GRM7: variants seen among roughly 807,000 people sequenced by gnomAD.
The protein encoded by GRM7 is glutamate metabotropic receptor 7, also known as metabotropic glutamate receptor 7.
GRM7 carries 35 observed loss-of-function variants against 84.5 expected under a neutral mutation model. That is an observed-to-expected ratio of 0.41 (90% CI 0.32 to 0.55). The LOEUF (loss-of-function observed/expected upper bound fraction) is 0.55, where lower values mean the gene tolerates loss of function less well. Ranked by LOEUF, GRM7 falls within the 20% of genes least tolerant of loss-of-function variation. The pLI is 0.19. For missense variants in GRM7, 1,003 were observed against 1,194.6 expected, an observed-to-expected ratio of 0.84 and a Z score of 2.36; for synonymous variants, 487 against 455.1, an observed-to-expected ratio of 1.07 and a Z score of -0.89.
intron 1 of GRM7, among the ~76,000 whole-genome samples, chr3:6,898,150 G>C (rs1361620830): frequency 6.6e-6 from 1 of 152,130 alleles, no homozygotes; most frequent in African/African-American, 2.4e-5. Context: ...GAATTCGAAA[G>C]GGCTGATAGG....
chr3:7,397,430 G>T (rs1695256777), intron 4 of GRM7, among the ~76,000 whole-genome samples: 1 of 152,150 alleles, frequency 6.6e-6, no homozygotes, highest in Non-Finnish European at 1.5e-5. Flanking sequence ...CAGAGATGAA[G>T]TAGGGATAAT....
chr3:7,670,104 T>C (rs1699857665), intron 8 of GRM7, among the ~76,000 whole-genome samples: 1 of 152,122 alleles, frequency 6.6e-6, no homozygotes, highest in Non-Finnish European at 1.5e-5. Flanking sequence ...CTAGATGTGC[T>C]TCAGTGTGCC....
chr3:7,574,882 C>T (rs934561020), intron 7 of GRM7, among the ~76,000 whole-genome samples: 2 of 152,296 alleles, frequency 1.3e-5, no homozygotes, highest in Non-Finnish European at 2.9e-5. Context: ...CTGTACACCC[C>T]GGGTTACAAC....
At chr3:7,715,797 T>C (rs542277643) in intron 9 of GRM7, among the ~76,000 whole-genome samples, 9 of 152,142 alleles carry the variant, frequency 5.9e-5, no homozygotes, top group Non-Finnish European at 1.3e-4. Context: ...GAGAAATAAG[T>C]GCAACATAAA....
chr3:7,159,482 GAGAA>G (rs1237722896), intron 2 of GRM7, among the ~76,000 whole-genome samples: 9 of 152,248 alleles, frequency 5.9e-5, no homozygotes, highest in Admixed American at 2.0e-4. Flanking sequence ...ATGTTTTATG[GAGAA>G]AGACAGAGAT....
At chr3:6,988,163 ATTTTTTT>A (rs760807880) in intron 1 of GRM7, among the ~76,000 whole-genome samples, 1 of 95,282 alleles carries the variant, frequency 1.0e-5, no homozygotes, top group African/African-American at 5.4e-5. Flanking sequence ...CGCCTGGCTA[ATTTTTTT>A]TTTTTTTTTT....
intron 9 of GRM7, among the ~76,000 whole-genome samples, chr3:7,685,753 A>G (rs1194383017): frequency 6.6e-6 from 1 of 152,088 alleles, no homozygotes; most frequent in Non-Finnish European, 1.5e-5. Context: ...TTTGTTACAT[A>G]AACTAGGACT....
chr3:7,056,567 G>T (rs1240435459), intron 1 of GRM7, among the ~76,000 whole-genome samples: 1 of 151,936 alleles, frequency 6.6e-6, no homozygotes, highest in Non-Finnish European at 1.5e-5. Context: ...TTTGGAATAA[G>T]TATACACAGT....
chr3:7,378,136 C>T (rs747338109), intron 4 of GRM7, among the ~76,000 whole-genome samples: 5 of 152,266 alleles, frequency 3.3e-5, no homozygotes, highest in Admixed American at 1.3e-4. Context: ...CTTGGTGACT[C>T]GGTGTGGGAT....
At chr3:7,054,776 C>T (rs956470210) in intron 1 of GRM7, among the ~76,000 whole-genome samples, 1 of 151,724 alleles carries the variant, frequency 6.6e-6, no homozygotes, top group East Asian at 1.9e-4. Context: ...CATCGTTCTC[C>T]TCTTAACAGC....
intron 1 of GRM7, among the ~76,000 whole-genome samples, chr3:7,072,049 A>G (rs149255222): frequency 2.0e-5 from 3 of 152,236 alleles, no homozygotes; most frequent in South Asian, 4.1e-4. Flanking sequence ...CCTTTCATGG[A>G]TGGATTCACA....
intron 4 of GRM7, among the ~76,000 whole-genome samples, chr3:7,349,828 T>C (rs987959598): frequency 6.6e-6 from 1 of 152,184 alleles, no homozygotes; most frequent in African/African-American, 2.4e-5. Context: ...AATTATTCCA[T>C]ATATGTATTT....
intron 4 of GRM7, among the ~76,000 whole-genome samples, chr3:7,352,057 C>CCACACA (rs56873432): frequency 0.074 from 10,060 of 136,818 alleles, 444 homozygotes; most frequent in African/African-American, 0.11. Context: ...CACACACACA[C>CCACACA]CACACACACA....
intron 2 of GRM7, among the ~76,000 whole-genome samples, chr3:7,229,679 C>T (rs1697096836): frequency 7.6e-6 from 1 of 131,990 alleles, no homozygotes; most frequent in East Asian, 2.6e-4. Context: ...AGACAGAAAA[C>T]AAATGAGCTG....
intron 8 of GRM7, among the ~76,000 whole-genome samples, chr3:7,677,864 G>A (rs968827659): frequency 1.3e-5 from 2 of 152,132 alleles, no homozygotes; most frequent in Non-Finnish European, 2.9e-5. Context: ...TAGGTGCATC[G>A]ACAGTGGGCT....
chr3:7,700,266 C>T (rs1462021937), intron 9 of GRM7, among the ~76,000 whole-genome samples: 2 of 152,224 alleles, frequency 1.3e-5, no homozygotes, highest in Non-Finnish European at 2.9e-5. Flanking sequence ...ACACATCTCT[C>T]TGGTCTCAAT....
chr3:7,191,143 A>G (rs17825022), intron 2 of GRM7, among the ~76,000 whole-genome samples: 45,432 of 151,978 alleles, frequency 0.3, 6,966 homozygotes, highest in Middle Eastern at 0.38. Context: ...CAATGAGAGG[A>G]TAATCGAAAT....
At chr3:7,287,239 G>C (rs905039175) in intron 2 of GRM7, among the ~76,000 whole-genome samples, 1 of 152,150 alleles carries the variant, frequency 6.6e-6, no homozygotes, top group Non-Finnish European at 1.5e-5. Context: ...AAGAACCTAA[G>C]TATTGAATTC....
intron 4 of GRM7, among the ~76,000 whole-genome samples, chr3:7,402,453 C>G (rs1695491973): frequency 6.6e-6 from 1 of 152,150 alleles, no homozygotes; most frequent in Non-Finnish European, 1.5e-5. Flanking sequence ...TGAATATAAT[C>G]TGAGTTTGCT....
Sources: allele counts gnomAD v4.1 joint callset (sites outside exome capture counted in the v4.1 genomes callset), GRCh38; gene constraint gnomAD v4.1.1; transcripts MANE v1.5; gene names NCBI Gene and HGNC (gene_info 2026-07-23, HGNC 2026-07-21).